P4HA1: variants seen among roughly 807,000 people sequenced by gnomAD.
The protein encoded by P4HA1 is prolyl 4-hydroxylase subunit alpha-1.
In P4HA1, 24 loss-of-function variants were observed where a neutral mutation model predicts 72.8. The observed-to-expected ratio is 0.33, with a 90% CI of 0.24 to 0.46. The LOEUF is 0.46. Ranked by LOEUF, P4HA1 falls within the 20% of genes least tolerant of loss-of-function variation. P4HA1 has a pLI of 1.00. For synonymous variants in P4HA1, 201 were observed against 218.8 expected, an observed-to-expected ratio of 0.92 and a Z score of 0.72; for missense variants, 446 against 640.6, an observed-to-expected ratio of 0.70 and a Z score of 3.28.
At chr10:73,055,740 AGT>A (rs1308277859) in intron 5 of P4HA1, among the ~76,000 whole-genome samples, 1 of 152,246 alleles carries the variant, frequency 6.6e-6, no homozygotes, top group Non-Finnish European at 1.5e-5. Context: ...GAAAATACTT[AGT>A]CTCATTCATC....
At chr10:73,045,892 C>T (rs1840848261) in intron 8 of P4HA1, among the ~76,000 whole-genome samples, 1 of 149,702 alleles carries the variant, frequency 6.7e-6, no homozygotes, top group African/African-American at 2.5e-5. Flanking sequence ...AAAAAACCAC[C>T]AATTTGGAGA....
intron 10 of P4HA1, among the ~76,000 whole-genome samples, chr10:73,028,980 G>T (rs112637565): frequency 7.2e-5 from 11 of 151,894 alleles, no homozygotes; most frequent in Admixed American, 7.2e-4. Flanking sequence ...AGGAAGCAGA[G>T]GTCGCACTGA....
chr10:73,053,541 G>A lies in P4HA1; in HGVS notation c.513C>T (p.Gly171=). The change falls in exon 6 of 15, where the codon GGC becomes GGT. Residue 171 remains glycine (G), a synonymous_variant. Transcript: ENST00000394890. The part of the protein sequence containing the change: ...FLTAEDCFEL[G]KVAYTEADYY... The stretch of plus-strand genomic sequence containing the variant: ...AATCTGCTTCTGTATAGGCCACTTT[G>A]CCCAACTCAAAGCAGTCCTCAGCCG... 3 of 1,613,884 alleles carry A rather than the reference G, an allele frequency of 1.9e-6. No homozygotes were observed. Among genetic ancestry groups the A allele is most frequent in the Non-Finnish European group, 2.5e-6 (3 of 1,179,828 alleles).
intron 5 of P4HA1, among the ~76,000 whole-genome samples, chr10:73,062,908 T>C (rs12243451): frequency 0.11 from 16,324 of 152,128 alleles, 1,266 homozygotes; most frequent in East Asian, 0.3. Flanking sequence ...TGGAGGTGTA[T>C]GCACTGGAGG....
chr10:73,086,428 T>C (rs1032766702), intron 1 of P4HA1, among the ~76,000 whole-genome samples: 3 of 152,024 alleles, frequency 2.0e-5, no homozygotes, highest in African/African-American at 7.2e-5. Flanking sequence ...AAACAAAAAG[T>C]AGATTAGTGG....
chr10:73,050,507 C>G (rs1053144681), intron 7 of P4HA1, among the ~76,000 whole-genome samples: 7 of 151,876 alleles, frequency 4.6e-5, no homozygotes, highest in Non-Finnish European at 1.0e-4. Context: ...TGAGACCAGC[C>G]TGGCCAACAT....
At chr10:73,018,096 T>C (rs147887515) in intron 10 of P4HA1, among the ~76,000 whole-genome samples, 1 of 152,242 alleles carries the variant, frequency 6.6e-6, no homozygotes, top group Non-Finnish European at 1.5e-5. Flanking sequence ...GTTACACCCT[T>C]CCTGGTGGGG....
At chr10:73,051,023 A>T in intron 7 of P4HA1, 30 bp downstream of exon 7, 1 of 1,501,932 alleles carries the variant, frequency 6.7e-7, no homozygotes, top group Non-Finnish European at 9.3e-7. Flanking sequence ...ACACACATTC[A>T]CATACACACA....
At chr10:73,027,641 G>C (rs1348409006) in intron 10 of P4HA1, among the ~76,000 whole-genome samples, 1 of 106,406 alleles carries the variant, frequency 9.4e-6, no homozygotes, top group Non-Finnish European at 1.9e-5. Flanking sequence ...GAGTCAGGGA[G>C]GGGGAGGGGG....
chr10:73,068,468 TTTTAATTA>T (rs1841476445), intron 5 of P4HA1, among the ~76,000 whole-genome samples: 1 of 152,226 alleles, frequency 6.6e-6, no homozygotes, highest in African/African-American at 2.4e-5. Flanking sequence ...ACATCTTGGC[TTTTAATTA>T]TTTAACATAT....
In P4HA1 at chr10:73,008,033, G is replaced by T; in HGVS notation, c.*189C>A. The stretch of plus-strand genomic sequence containing the variant: ...ACTTTAAGGTTTTATGCAATATGAT[G>T]ATTTCGTGTTACTTTTAAAAGAACC... On this transcript the variant is annotated 3_prime_UTR_variant, in exon 15 of 15. Coordinates refer to ENST00000394890, the MANE Select transcript of P4HA1 (RefSeq NM_001017962.3). 1 of 333,204 alleles carries T rather than the reference G, an allele frequency of 3.0e-6. No individual in the cohort carries two copies. 20.6% of individuals were successfully genotyped at this position (333,204 alleles called of 1,614,324 possible).
At chr10:73,032,832 A>G (rs1016195794) in intron 9 of P4HA1, among the ~76,000 whole-genome samples, 8 of 152,214 alleles carry the variant, frequency 5.3e-5, no homozygotes, top group African/African-American at 1.9e-4. Context: ...AGAGAAAGAC[A>G]TGGAGAAGAA....
intron 6 of P4HA1, 101 bp from the exon 7 acceptor site, chr10:73,051,350 C>T: frequency 1.5e-6 from 1 of 663,668 alleles, no homozygotes; most frequent in African/African-American, 1.8e-5. Flanking sequence ...ATTTATCTTC[C>T]AAACCAGGTT....
intron 1 of P4HA1, among the ~76,000 whole-genome samples, chr10:73,079,934 T>C (rs1000297046): frequency 1.3e-5 from 2 of 152,130 alleles, no homozygotes; most frequent in South Asian, 2.1e-4. Context: ...GGTTGAGGGA[T>C]GGCCTTGTGA....
chr10:73,054,953 C>T (rs1205480062), intron 5 of P4HA1, among the ~76,000 whole-genome samples: 4 of 152,028 alleles, frequency 2.6e-5, no homozygotes, highest in East Asian at 1.9e-4. Flanking sequence ...TGGCTAGGCA[C>T]GGTGGTTTCA....
intron 9 of P4HA1, among the ~76,000 whole-genome samples, chr10:73,038,311 A>C (rs574710926): frequency 2.6e-5 from 4 of 152,332 alleles, no homozygotes; most frequent in Admixed American, 2.6e-4. Context: ...ATACATATAT[A>C]TCATGTTACA....
chr10:73,062,760 C>G (rs528934000), intron 5 of P4HA1, among the ~76,000 whole-genome samples: 2 of 152,256 alleles, frequency 1.3e-5, no homozygotes, highest in East Asian at 3.9e-4. Context: ...ACAGAAAAGG[C>G]ATTTATGAGA....
At chr10:73,070,112 C>CTACG (rs1342539347) in intron 4 of P4HA1, among the ~76,000 whole-genome samples, 1 of 136,804 alleles carries the variant, frequency 7.3e-6, no homozygotes, top group Non-Finnish European at 1.5e-5. Context: ...GTCCAGCCAG[C>CTACG]TACGTATTTT....
At chr10:73,035,075 T>C (rs557103338) in intron 9 of P4HA1, among the ~76,000 whole-genome samples, 14 of 152,292 alleles carry the variant, frequency 9.2e-5, no homozygotes, top group African/African-American at 3.4e-4. Flanking sequence ...TGTGCAAGTA[T>C]ATGACTCCTT....
Sources: gnomAD v4.1 joint callset for allele counts (sites outside exome capture counted in the v4.1 genomes callset) on GRCh38, gnomAD v4.1.1 for gene constraint, MANE v1.5 for transcripts, NCBI Gene and HGNC (gene_info 2026-07-23, HGNC 2026-07-21) for gene names.